SCAMP4: variants seen among roughly 807,000 people sequenced by gnomAD.
SCAMP4 encodes secretory carrier-associated membrane protein 4.
In SCAMP4, 19 loss-of-function variants were observed where a neutral mutation model predicts 32.1. The ratio of observed to expected loss-of-function variants is 0.59; its 90% CI spans 0.41 to 0.87. SCAMP4 has a LOEUF of 0.87. Ranked by LOEUF, SCAMP4 falls within the 40% of genes least tolerant of loss-of-function variation. The probability of loss-of-function intolerance (pLI) is 0.00; values close to 1 mark genes in which losing one functional copy is unlikely to be tolerated. For synonymous variants in SCAMP4, 152 were observed against 132.7 expected, an observed-to-expected ratio of 1.15 and a Z score of -1.00; for missense variants, 302 against 309.0, an observed-to-expected ratio of 0.98 and a Z score of 0.17.
Position 1,925,709 on chromosome 19 carries a change from C to G in SCAMP4, c.*1425C>G, listed in dbSNP as rs1355409867. Reference sequence around the variant, plus strand: ...CCTCCCCAGGATGTGAGCCAGTCCCCTCGCTGGTACGGAATGCCGCTGGGT... The same window carrying G: ...CCTCCCCAGGATGTGAGCCAGTCCCGTCGCTGGTACGGAATGCCGCTGGGT... On this transcript the variant is annotated 3_prime_UTR_variant, in exon 7 of 7. Transcript: ENST00000316097. 1 of 152,738 alleles carries G rather than the reference C, an allele frequency of 6.5e-6. No homozygotes were observed. The highest frequency in any genetic ancestry group is 2.4e-5 in the African/African-American group (1 of 41,394). The allele number at this position is 152,738 out of a possible 1,614,324, so 9.5% of individuals were successfully genotyped here.
intron 5 of SCAMP4, chr19:1,922,171 C>T (rs1031355605): frequency 2.1e-5 from 21 of 985,370 alleles, no homozygotes; most frequent in Non-Finnish European, 2.3e-5. Context: ...AAGGCAGGTG[C>T]AATGCCCAGA....
intron 3 of SCAMP4, 22 bp from the exon 4 acceptor site, chr19:1,918,105 C>T (rs770723922): frequency 2.9e-5 from 46 of 1,594,540 alleles, no homozygotes; most frequent in Admixed American, 2.5e-4. Flanking sequence ...CCTGCTCATC[C>T]GTCCTCCCTC....
At chr19:1,918,796 G>T in intron 4 of SCAMP4, 93 bp from the exon 5 acceptor site, 1 of 1,488,054 alleles carries the variant, frequency 6.7e-7, no homozygotes. Context: ...TAGAGCCTCC[G>T]CTCTCACCAT....
At chr19:1,912,193 C>G in intron 1 of SCAMP4, 2 of 1,585,738 alleles carry the variant, frequency 1.3e-6, no homozygotes, top group Non-Finnish European at 1.7e-6. Context: ...CCTGTCCTGT[C>G]CGAGAAGCAG....
At chr19:1,920,430 C>A in intron 5 of SCAMP4, 1 of 600,250 alleles carries the variant, frequency 1.7e-6, no homozygotes, top group Non-Finnish European at 2.1e-6. Flanking sequence ...GATCTGCAGG[C>A]CTCTCCCCTC....
intron 3 of SCAMP4, 56 bp from the exon 4 acceptor site, chr19:1,918,071 T>C (rs2013792662): frequency 1.3e-6 from 2 of 1,564,416 alleles, no homozygotes; most frequent in South Asian, 2.4e-5. Flanking sequence ...GGCCCATGCT[T>C]TCCCACGGCC....
At chr19:1,912,827 A>ACC in intron 1 of SCAMP4, 2 of 1,590,600 alleles carry the variant, frequency 1.3e-6, no homozygotes, top group Non-Finnish European at 1.7e-6. Context: ...ACGACTTCAG[A>ACC]CCCTTCCCCG....
chr19:1,914,725 T>C (rs2013670400), intron 1 of SCAMP4, among the ~76,000 whole-genome samples: 1 of 141,398 alleles, frequency 7.1e-6, no homozygotes, highest in Admixed American at 6.9e-5. Flanking sequence ...GCATCCTGGC[T>C]GGGGCGGTGG....
In SCAMP4 at chr19:1,925,307, A is replaced by C. The variant is rs1169944183; in HGVS notation, c.*1023A>C. ...CAGATGGGGTTTCACCATGTTGGCC[A>C]GGCTGGTCTCGAACTCCTGACCTCA... On this transcript the variant is annotated 3_prime_UTR_variant, in exon 7 of 7. Coordinates refer to ENST00000316097, the MANE Select transcript of SCAMP4 (RefSeq NM_079834.4). 2 of 152,280 alleles carry C rather than the reference A, an allele frequency of 1.3e-5. No homozygotes were observed. Among genetic ancestry groups the C allele is most frequent in the African/African-American group, 4.8e-5 (2 of 41,404 alleles). The allele number at this position is 152,280 out of a possible 1,614,324, so 9.4% of individuals were successfully genotyped here.
chr19:1,922,435 T>C, intron 5 of SCAMP4: 2 of 732,432 alleles, frequency 2.7e-6, no homozygotes, highest in Non-Finnish European at 3.3e-6. Flanking sequence ...GGGTTTCACC[T>C]TGTTGGTCAG....
intron 5 of SCAMP4, 70 bp from the exon 6 acceptor site, chr19:1,923,000 C>A: frequency 6.9e-7 from 1 of 1,450,884 alleles, no homozygotes; most frequent in Non-Finnish European, 9.1e-7. Flanking sequence ...ATGGGGAGGA[C>A]CATGGGCCGG....
rs746114708 is a variant in SCAMP4 at position 1,924,175 on chromosome 19, C to G, written c.581C>G (p.Thr194Ser). 2 of 1,611,864 alleles carry G rather than the reference C, an allele frequency of 1.2e-6. No homozygotes were observed. The highest frequency in any genetic ancestry group is 1.7e-6 in the Non-Finnish European group (2 of 1,179,070). ...QKAQTEWNTG[T>S]WRNPPSREAQ... ...GCACAGACGGAGTGGAACACGGGCA[C>G]TTGGCGGAACCCACCGTCGAGGGAG... is the stretch of plus-strand genomic sequence containing the variant. Residue 194 changes from threonine to serine, a missense_variant, in exon 7 of 7, where the codon ACT (threonine) becomes AGT (serine). By Grantham distance (58) the Thr-to-Ser change is moderately conservative. Coordinates refer to ENST00000316097, the MANE Select transcript of SCAMP4 (RefSeq NM_079834.4).
intron 5 of SCAMP4, chr19:1,919,462 T>C (rs1483553063): frequency 2.0e-6 from 2 of 985,024 alleles, no homozygotes; most frequent in Non-Finnish European, 2.4e-6. Flanking sequence ...AGTGTTTGTG[T>C]TGGTGTCTTA....
In SCAMP4 at chr19:1,917,851, A is replaced by AAGC. The variant is rs1473442525; in HGVS notation, c.136+30_136+32dup. The AAGC allele has an allele frequency of 6.2e-6, 10 of 1,612,206 alleles. No individual in the cohort carries two copies. The Admixed American group carries it at 1.7e-4, about 27-fold the overall frequency. On this transcript the variant is annotated intron_variant, in intron 3 of 6. Transcript: ENST00000316097. The stretch of plus-strand genomic sequence containing the variant: ...AGTGCGCCTGGGGGCAGGAGGCGGG[A>AAGC]AGCGGGAGGCAGGGCTCCCCGAGGG...
Position 1,915,018 on chromosome 19 carries a change from A to T in SCAMP4, c.-2A>T, listed in dbSNP as rs772878076. The T allele has an allele frequency of 9.3e-6, 15 of 1,613,664 alleles. No individual in the cohort carries two copies. The Admixed American group carries it at 2.3e-4, about 25-fold the overall frequency. On this transcript the variant is annotated 5_prime_UTR_variant, in exon 2 of 7. Coordinates refer to ENST00000316097, the MANE Select transcript of SCAMP4 (RefSeq NM_079834.4). ...CAGCCTGCGCTGGTTGGTGAAACAG[A>T]GATGTCAGGTGAGTCCTGCCTGCCT...
At chr19:1,919,151 G>T in intron 5 of SCAMP4, 161 bp downstream of exon 5, 1 of 1,445,776 alleles carries the variant, frequency 6.9e-7, no homozygotes, top group Non-Finnish European at 9.1e-7. Context: ...CCGCGTCCTC[G>T]CCAGCGCCCG....
At chr19:1,921,210 C>G (rs2013909679) in intron 5 of SCAMP4, 1 of 985,062 alleles carries the variant, frequency 1.0e-6, no homozygotes, top group African/African-American at 1.7e-5. Flanking sequence ...CGCCACCTCC[C>G]CACACACTCT....
chr19:1,920,352 A>T (rs1690325530), intron 5 of SCAMP4: 7 of 948,342 alleles, frequency 7.4e-6, no homozygotes, highest in Non-Finnish European at 8.8e-6. Context: ...ACGCCAGTGC[A>T]CAGATCAGAA....
chr19:1,910,735 C>A (rs2013398959), intron 1 of SCAMP4, among the ~76,000 whole-genome samples: 1 of 151,238 alleles, frequency 6.6e-6, no homozygotes, highest in Non-Finnish European at 1.5e-5. Flanking sequence ...TGGCACCATG[C>A]CCAGCTAATT....
Sources: allele counts gnomAD v4.1 joint callset (sites outside exome capture counted in the v4.1 genomes callset), GRCh38; gene constraint gnomAD v4.1.1; transcripts MANE v1.5; gene names NCBI Gene and HGNC (gene_info 2026-07-23, HGNC 2026-07-21).